The following MYH7 variants were observed in gnomAD, a reference collection of about 807,000 sequenced individuals.
MYH7 encodes the protein myosin heavy chain 7.
Under a neutral mutation model 225.4 loss-of-function variants are expected in MYH7, and 129 were observed. The observed-to-expected ratio is 0.57, with a 90% CI of 0.50 to 0.66. The LOEUF (loss-of-function observed/expected upper bound fraction) is 0.66, where lower values mean the gene tolerates loss of function less well. Ranked by LOEUF, MYH7 falls within the 30% of genes least tolerant of loss-of-function variation. The probability of loss-of-function intolerance (pLI) is 0.00; values close to 1 mark genes in which losing one functional copy is unlikely to be tolerated. For synonymous variants in MYH7, 971 were observed against 1,007.6 expected (o/e 0.96, Z 0.69); for missense variants, 1,649 against 2,517.0 (o/e 0.66, Z 7.38).
rs1367775839 is a variant in MYH7, at chr14:23,423,646, T to G, written c.3000A>C (p.Gln1000His). The stretch of plus-strand genomic sequence containing the variant: ...CATCCAGAGCCTGTTGGTGGGCCTC[T>G]TGCAGAGCTTTCTTCTCCTTGGTCA... ...AKLTKEKKAL[Q>H]EAHQQALDDL... The change falls in exon 24 of 40, where the codon CAA becomes CAC. Residue 1000 changes from glutamine to histidine, a missense_variant. By Grantham distance (24) the Gln-to-His change is conservative. Transcript: ENST00000355349. 1 of 1,614,166 alleles carries G rather than the reference T, an allele frequency of 6.2e-7. No individual in the cohort carries two copies. The highest frequency in any genetic ancestry group is 1.1e-5 in the South Asian group (1 of 91,086).
rs543176195 is a variant in MYH7, at chr14:23,420,819, CT to C, written c.3336+138del. On this transcript the variant is annotated intron_variant, in intron 26 of 39. Transcript: ENST00000355349. ...CCTTTTGGATGTATCCATGGGCACACTGTGATAGCTGCGTGCCTGCCTCCAT... is the reference window on the plus strand; with the variant it reads ...CCTTTTGGATGTATCCATGGGCACACGTGATAGCTGCGTGCCTGCCTCCAT... 75 of 715,390 alleles carry C rather than the reference CT, an allele frequency of 1.0e-4. 1 individual carries two copies. In the South Asian group the frequency reaches 1.1e-3, roughly 10 times the overall value. The allele number at this position is 715,390 out of a possible 1,614,324, so 44.3% of individuals were successfully genotyped here.
rs546582990 is a variant in MYH7 at position 23,413,749 on chromosome 14, A to G, written c.5790+10T>C. 1.3e-5 allele frequency: 21 copies of G among 1,613,760 alleles called. No homozygotes were observed. The South Asian group carries it at 2.0e-4, about 15-fold the overall frequency. ...GGGGGTGACTAGCAAAGCCCAAAAG[A>G]GGGACCCACCTTCGTGCCAATGTCA... On this transcript the variant is annotated intron_variant, in intron 39 of 39. Transcript: ENST00000355349.
Position 23,433,558 on chromosome 14 carries a change from C to T in MYH7, c.175G>A (p.Val59Ile), listed in dbSNP as rs771132107. Residue 59 changes from valine to isoleucine, a missense_variant, in exon 3 of 40, where the codon GTC (valine) becomes ATC (isoleucine). This residue lies in a region of MYH7 where 91 missense variants were observed against 96.5 expected (regional missense o/e 0.94). Coordinates refer to ENST00000355349, the MANE Select transcript of MYH7 (RefSeq NM_000257.4). This position sits in a 1 kb window ranked among gnomAD's most constrained non-coding sequence, Gnocchi z 4.1. ...TTGCCATACTCGGTCTCGGCAGTGA[C>T]TTTGCCACCCTCTCGAGACACGATC... ...AKIVSREGGK[V>I]TAETEYGKTV... The T allele has an allele frequency of 2.5e-6, 4 of 1,614,224 alleles. No homozygotes were observed. In the East Asian group the frequency reaches 6.7e-5, roughly 27 times the overall value.
At chr14:23,417,738 G>A (rs900141106) in intron 30 of MYH7, 52 bp from the exon 31 acceptor site, 3 of 1,599,506 alleles carry the variant, frequency 1.9e-6, no homozygotes, top group Admixed American at 1.7e-5. Context: ...TGTGGATGGG[G>A]ACAAGAGGAA....
chr14:23,421,506 C>T (rs987071488), intron 25 of MYH7, among the ~76,000 whole-genome samples: 4 of 152,304 alleles, frequency 2.6e-5, no homozygotes, highest in Admixed American at 2.0e-4. Flanking sequence ...TGTATTTATT[C>T]ATTTATTCAA....
intron 9 of MYH7, 95 bp downstream of exon 9, chr14:23,431,323 A>C (rs1892925707): frequency 2.3e-5 from 29 of 1,270,746 alleles, no homozygotes; most frequent in Non-Finnish European, 3.1e-5. Context: ...GAGGAGAAAA[A>C]CAGAGGGAGG....
intron 39 of MYH7, 87 bp from the exon 40 acceptor site, chr14:23,412,958 T>G (rs2138633387): frequency 1.4e-6 from 2 of 1,384,450 alleles, no homozygotes; most frequent in Non-Finnish European, 2.0e-6. Context: ...GAGAGGGGTC[T>G]GATGGTGGGG....
chr14:23,434,125 A>T, intron 2 of MYH7, 69 bp downstream of exon 2: 1 of 961,692 alleles, frequency 1.0e-6, no homozygotes, highest in Non-Finnish European at 1.3e-6. Flanking sequence ...AGAGTTCCAT[A>T]GGCTGGCTTT....
chr14:23,432,431 T>C, intron 6 of MYH7, 48 bp downstream of exon 6: 1 of 1,611,506 alleles, frequency 6.2e-7, no homozygotes, highest in African/African-American at 1.3e-5. Context: ...GGCTGGAGGC[T>C]GGGATCAGGG....
At chr14:23,427,562 C>T (rs767104880) in intron 16 of MYH7, 23 bp downstream of exon 16, 53 of 1,612,864 alleles carry the variant, frequency 3.3e-5, no homozygotes, top group Admixed American at 5.0e-5. Flanking sequence ...TCCTCTGTAC[C>T]GGGAGCCTCA....
In MYH7 at chr14:23,426,759, C is replaced by T. The variant is rs1406715881; in HGVS notation, c.2044+18G>A. ...GGTGTATGCCCAGCAGTGGGTTGGC[C>T]TGAGTTTGTGGCCTCACCTGGAGAC... On this transcript the variant is annotated intron_variant, in intron 18 of 39. Coordinates refer to ENST00000355349, the MANE Select transcript of MYH7 (RefSeq NM_000257.4). 3.7e-6 allele frequency: 6 copies of T among 1,612,064 alleles called. No individual in the cohort carries two copies. Among genetic ancestry groups the T allele is most frequent in the Non-Finnish European group, 5.1e-6 (6 of 1,178,274 alleles).
rs1555338898 is a variant in MYH7 at position 23,433,727 on chromosome 14, T to C, written c.6A>G (p.Gly2=). The change falls in exon 3 of 40, where the codon GGA becomes GGG. Residue 2 remains glycine, a synonymous_variant. Transcript: ENST00000355349. This position sits in a 1 kb window ranked among gnomAD's most constrained non-coding sequence, Gnocchi z 4.1. ...CCCCAAAGACTGCCATCTCCGAATC[T>C]CCCATGGCTGTGCCTGGAGTGAGCA... M[G]DSEMAVFGAA... 1 of 1,613,902 alleles carries C rather than the reference T, an allele frequency of 6.2e-7. No homozygotes were observed. Among genetic ancestry groups the C allele is most frequent in the African/African-American group, 1.3e-5 (1 of 75,052 alleles).
chr14:23,427,715 C>G lies in MYH7; in HGVS notation c.1758G>C (p.Val586=). ...HFSLIHYAGI[V]DYNIIGWLQK... is the part of the protein sequence containing the mutation. ...GCAGCCAGCCAATGATGTTGTAGTCCACGATGCCGGCATAGTGGATCAGGG... is the reference window on the plus strand; with the variant it reads ...GCAGCCAGCCAATGATGTTGTAGTCGACGATGCCGGCATAGTGGATCAGGG... Residue 586 remains valine, a synonymous_variant, in exon 16 of 40, where the codon GTG becomes GTC. Coordinates refer to ENST00000355349, the MANE Select transcript of MYH7 (RefSeq NM_000257.4). The G allele has an allele frequency of 6.2e-7, 1 of 1,614,184 alleles. No individual in the cohort carries two copies.
rs145677314 is a variant in MYH7, at chr14:23,425,346, G to A, written c.2359C>T (p.Arg787Cys). 215 of 1,614,022 alleles carry A rather than the reference G, an allele frequency of 1.3e-4. No individual in the cohort carries two copies. Among genetic ancestry groups the A allele is most frequent in the Non-Finnish European group, 1.7e-4 (200 of 1,180,040 alleles). ...ACACCTCGGGACTGGGCCTGGATAC[G>A]CGTGATGATGCGGCTCAGCCTCTCG... Reference protein sequence around the residue: ...RDERLSRIITRIQAQSRGVLA... With the variant: ...RDERLSRIITCIQAQSRGVLA... The change falls in exon 21 of 40, where the codon CGT becomes TGT. Residue 787 changes from arginine to cysteine, a missense_variant. Arg to Cys is a radical substitution (Grantham distance 180). Around this residue, in one of 12 missense-constraint regions of MYH7, gnomAD observed 36 missense variants for 43.2 expected, o/e 0.83. Transcript: ENST00000355349. This position sits in a 1 kb window ranked among gnomAD's most constrained non-coding sequence, Gnocchi z 4.6.
chr14:23,418,792 T>C (rs1892341366), intron 29 of MYH7, among the ~76,000 whole-genome samples: 1 of 152,170 alleles, frequency 6.6e-6, no homozygotes. Flanking sequence ...TTTCTCCTTT[T>C]TCATGAGTCC....
intron 37 of MYH7, 122 bp from the exon 38 acceptor site, chr14:23,414,224 C>T (rs1892092196): frequency 1.3e-6 from 1 of 757,858 alleles, no homozygotes; most frequent in Non-Finnish European, 2.2e-6. Context: ...CCTCACTAAA[C>T]ACTTGAATTC....
rs199637885 is a variant in MYH7, at chr14:23,432,744, C to A, written c.397G>T (p.Val133Leu). ...GCAGCCACCACCTCAGGAGTGTACACCGGCAGCCACTTGTAAGGGTTGACG... is the reference window on the plus strand; with the variant it reads ...GCAGCCACCACCTCAGGAGTGTACAACGGCAGCCACTTGTAAGGGTTGACG... ...VTVNPYKWLP[V>L]YTPEVVAAYR... Residue 133 changes from valine to leucine, a missense_variant, in exon 5 of 40, where the codon GTG (valine) becomes TTG (leucine). Around this residue, in one of 12 missense-constraint regions of MYH7, gnomAD observed 77 missense variants for 144.0 expected, o/e 0.53. Coordinates refer to ENST00000355349, the MANE Select transcript of MYH7 (RefSeq NM_000257.4). The A allele has an allele frequency of 6.2e-7, 1 of 1,614,176 alleles. No individual in the cohort carries two copies.
Position 23,421,300 on chromosome 14 carries a change from CT to C in MYH7, c.3246-253del, listed in dbSNP as rs561051798. 1.5e-4 allele frequency among the ~76,000 whole-genome samples: 23 copies of C among 152,250 alleles called. No homozygotes were observed. In the South Asian group the frequency reaches 4.6e-3, roughly 30 times the overall value. On this transcript the variant is annotated intron_variant, in intron 25 of 39. Transcript: ENST00000355349. Reference sequence around the variant, plus strand: ...CTACAGGACATTCCCATCTTTGGTCCTTGTTTTCTCATAATGTAAAATGAGG... The same window carrying C: ...CTACAGGACATTCCCATCTTTGGTCCTGTTTTCTCATAATGTAAAATGAGG...
chr14:23,424,858 C>T lies in MYH7; in HGVS notation c.2590G>A (p.Glu864Lys). 6.2e-7 allele frequency: 1 copy of T among 1,614,250 alleles called. No individual in the cohort carries two copies. The highest frequency in any genetic ancestry group is 8.5e-7 in the Non-Finnish European group (1 of 1,180,058). Residue 864 changes from glutamate to lysine, a missense_variant, in exon 22 of 40, where the codon GAG becomes AAG. Glu to Lys is a moderately conservative substitution (Grantham distance 56, BLOSUM62 1). This residue lies in a region of MYH7 where 282 missense variants were observed against 315.3 expected (regional missense o/e 0.89). Transcript: ENST00000355349. ...EEFTRLKEALEKSEARRKELE... is the reference protein window; with the variant it reads ...EEFTRLKEALKKSEARRKELE... Reference sequence around the variant, plus strand: ...TCCTTGCGGCGAGCCTCGGACTTCTCTAGCGCCTCTTTGAGGCGTGTGAAC... The same window carrying T: ...TCCTTGCGGCGAGCCTCGGACTTCTTTAGCGCCTCTTTGAGGCGTGTGAAC...
Sources: gnomAD v4.1 joint callset for allele counts (sites outside exome capture counted in the v4.1 genomes callset) on GRCh38, gnomAD v4.1.1 for gene constraint, gnomAD v4.1.1 regional missense constraint, Gnocchi (gnomAD v3.1) non-coding constraint, MANE v1.5 for transcripts, NCBI Gene and HGNC (gene_info 2026-07-23, HGNC 2026-07-21) for gene names.